The following CACNA1E variants were observed in gnomAD, a reference collection of about 807,000 sequenced individuals.
CACNA1E encodes calcium voltage-gated channel subunit alpha1 E.
Under a neutral mutation model 259.2 loss-of-function variants are expected in CACNA1E, and 40 were observed. The observed-to-expected ratio is 0.15, with a 90% CI of 0.12 to 0.20. The LOEUF (loss-of-function observed/expected upper bound fraction) is 0.20, where lower values mean the gene tolerates loss of function less well. Among genes scored for constraint, CACNA1E ranks in the 10% least tolerant of loss-of-function variants. The pLI is 1.00. For synonymous variants in CACNA1E, 1,104 were observed against 1,138.5 expected, an observed-to-expected ratio of 0.97 and a Z score of 0.61; for missense variants, 1,874 against 3,040.1, an observed-to-expected ratio of 0.62 and a Z score of 9.02.
chr1:181,474,493 T>C (rs1432772037), intron 2 of CACNA1E, among the ~76,000 whole-genome samples: 21 of 152,352 alleles, frequency 1.4e-4, no homozygotes, highest in Admixed American at 1.1e-3. Flanking sequence ...TCCCGTAGCA[T>C]GGGAAGATAA....
intron 6 of CACNA1E, among the ~76,000 whole-genome samples, chr1:181,636,433 T>C (rs1284511468): frequency 6.6e-6 from 1 of 152,208 alleles, no homozygotes; most frequent in Non-Finnish European, 1.5e-5. Flanking sequence ...TTGACTCTTA[T>C]TACCAACATA....
At chr1:181,369,666 A>T (rs1654538843) in intron 1 of CACNA1E, among the ~76,000 whole-genome samples, 1 of 152,170 alleles carries the variant, frequency 6.6e-6, no homozygotes, top group South Asian at 2.1e-4. Context: ...TGCCCTGGAG[A>T]CACAGGAAGA....
At chr1:181,488,690 G>A (rs1274098783) in intron 1 of CACNA1E, among the ~76,000 whole-genome samples, 1 of 152,130 alleles carries the variant, frequency 6.6e-6, no homozygotes, top group Admixed American at 6.5e-5. Flanking sequence ...AGTTTTGTCT[G>A]TTGGTTTGCA....
chr1:181,571,158 A>G (rs1650372332), intron 3 of CACNA1E, among the ~76,000 whole-genome samples: 1 of 152,172 alleles, frequency 6.6e-6, no homozygotes, highest in Admixed American at 6.5e-5. Flanking sequence ...TTAGGAAGGC[A>G]CTATCTCCTT....
intron 1 of CACNA1E, among the ~76,000 whole-genome samples, chr1:181,326,302 G>A (rs1643885232): frequency 1.3e-5 from 2 of 152,172 alleles, no homozygotes; most frequent in Non-Finnish European, 2.9e-5. Context: ...ATTATTGTGA[G>A]GTTTGGACCC....
chr1:181,421,226 C>T (rs965190420), intron 2 of CACNA1E, among the ~76,000 whole-genome samples: 2 of 152,212 alleles, frequency 1.3e-5, no homozygotes, highest in Non-Finnish European at 2.9e-5. Context: ...TGCTTGAATT[C>T]TTGCAATGCT....
chr1:181,579,374 GCA>G, intron 5 of CACNA1E, 150 bp downstream of exon 5: 1 of 650,320 alleles, frequency 1.5e-6, no homozygotes, highest in South Asian at 2.2e-5. Flanking sequence ...GCCTTTTGAG[GCA>G]CAGTCAACCA....
At position 181,330,247 on chromosome 1, in the gene CACNA1E, G is replaced by A. The variant is rs181462068; in HGVS notation, c.-15+12124G>A. ...CACCCCTGACCTATGAAGGCATCCC[G>A]GCACCCTGATTTCGCTCTGATTCCT... On this transcript the variant is annotated intron_variant, in intron 1 of 11. Coordinates refer to the CACNA1E transcript ENST00000524607. 1.7e-4 allele frequency among the ~76,000 whole-genome samples: 26 copies of A among 152,150 alleles called. No individual in the cohort carries two copies. The East Asian group carries it at 4.5e-3, about 26-fold the overall frequency.
chr1:181,474,868 G>A (rs1662742311), intron 2 of CACNA1E, among the ~76,000 whole-genome samples: 1 of 152,176 alleles, frequency 6.6e-6, no homozygotes, highest in African/African-American at 2.4e-5. Flanking sequence ...TGATTGATAA[G>A]ATGGTGCTTG....
chr1:181,769,848 A>T lies in CACNA1E; in HGVS notation c.4882-1445A>T, dbSNP rs1659348690. Among the ~76,000 whole-genome samples, 3 of 152,200 alleles carry T rather than the reference A, an allele frequency of 2.0e-5. No homozygotes were observed. In the South Asian group the frequency reaches 6.2e-4, roughly 31 times the overall value. Reference sequence around the variant, plus strand: ...AGAGGGCAGGAAATGTGAACAGGGCAAGGATAAATGTCAGTGCCCTCCTGG... The same window carrying T: ...AGAGGGCAGGAAATGTGAACAGGGCTAGGATAAATGTCAGTGCCCTCCTGG... On this transcript the variant is annotated intron_variant, in intron 35 of 47. Coordinates refer to ENST00000367573, the MANE Select transcript of CACNA1E (RefSeq NM_001205293.3).
intron 1 of CACNA1E, among the ~76,000 whole-genome samples, chr1:181,358,605 C>T (rs1322252311): frequency 6.6e-6 from 1 of 152,156 alleles, no homozygotes; most frequent in Non-Finnish European, 1.5e-5. Flanking sequence ...GAAGCCTAGA[C>T]AGCTGCTGTT....
intron 35 of CACNA1E, 28 bp from the exon 36 acceptor site, chr1:181,771,261 GCTCA>G (rs765849976): frequency 5.8e-5 from 72 of 1,233,518 alleles, no homozygotes; most frequent in Middle Eastern, 3.7e-4. Context: ...GCTTGGTAAT[GCTCA>G]CTGTTTTCTG....
intron 7 of CACNA1E, among the ~76,000 whole-genome samples, chr1:181,695,946 C>T (rs1651654584): frequency 6.6e-6 from 1 of 152,150 alleles, no homozygotes; most frequent in Non-Finnish European, 1.5e-5. Context: ...CAGAGCTAGA[C>T]CCTGTCTCTA....
chr1:181,621,655 T>A (rs1305550920), intron 6 of CACNA1E, among the ~76,000 whole-genome samples: 1 of 152,158 alleles, frequency 6.6e-6, no homozygotes, highest in Non-Finnish European at 1.5e-5. Context: ...AGTGAATAAA[T>A]TTAATAACTG....
In CACNA1E at chr1:181,349,658, G is replaced by A. The variant is rs75712999; in HGVS notation, c.-15+31535G>A. Among the ~76,000 whole-genome samples the A allele has an allele frequency of 7.1e-3, 1,077 of 152,198 alleles. 15 individuals are homozygous for A. The highest frequency in any genetic ancestry group is 0.025 in the African/African-American group (1,038 of 41,522). Reference sequence around the variant, plus strand: ...GAGTTACTGAGACAGGCCTGTGTAGGAAGTACTCCATGCTGTGTAGGGAGG... The same window carrying A: ...GAGTTACTGAGACAGGCCTGTGTAGAAAGTACTCCATGCTGTGTAGGGAGG... On this transcript the variant is annotated intron_variant, in intron 1 of 11. Coordinates refer to the CACNA1E transcript ENST00000524607.
chr1:181,589,959 C>G (rs1364207322), intron 6 of CACNA1E, among the ~76,000 whole-genome samples: 1 of 152,112 alleles, frequency 6.6e-6, no homozygotes, highest in African/African-American at 2.4e-5. Context: ...TTTGCCCAAC[C>G]CTTTTGGTGG....
chr1:181,393,625 T>G (rs1448622419), intron 1 of CACNA1E, among the ~76,000 whole-genome samples: 1 of 152,124 alleles, frequency 6.6e-6, no homozygotes, highest in Non-Finnish European at 1.5e-5. Context: ...TCCAGCTAAT[T>G]TTTTGTATTT....
intron 1 of CACNA1E, among the ~76,000 whole-genome samples, chr1:181,326,110 A>AT (rs773537739): frequency 2.0e-5 from 3 of 152,000 alleles, no homozygotes; most frequent in Non-Finnish European, 2.9e-5. Flanking sequence ...CTCATTTCCG[A>AT]TTTTTTCATA....
chr1:181,730,604 A>G (rs966298841), intron 18 of CACNA1E, among the ~76,000 whole-genome samples: 1 of 152,236 alleles, frequency 6.6e-6, no homozygotes, highest in Non-Finnish European at 1.5e-5. Context: ...CCTGGAGTAC[A>G]TGGATGGTGG....
Sources: allele counts gnomAD v4.1 joint callset (sites outside exome capture counted in the v4.1 genomes callset), GRCh38; gene constraint gnomAD v4.1.1; transcripts MANE v1.5; gene names NCBI Gene and HGNC (gene_info 2026-07-23, HGNC 2026-07-21).